Variants in WWOX observed in about 807,000 individuals in gnomAD.
WWOX encodes the protein WW domain containing oxidoreductase, also known as WW domain-containing oxidoreductase.
A neutral mutation model predicts 46.2 loss-of-function variants in WWOX; 69 were observed. That is an observed-to-expected ratio of 1.49 (90% confidence interval 1.23 to 1.82). The LOEUF (loss-of-function observed/expected upper bound fraction) is 1.82, where lower values mean the gene tolerates loss of function less well. WWOX is among the 40% of genes most tolerant of loss of function. The probability of loss-of-function intolerance (pLI) is 0.00; values close to 1 mark genes in which losing one functional copy is unlikely to be tolerated. For synonymous variants in WWOX, 359 were observed against 202.6 expected (o/e 1.77, Z -6.56); for missense variants, 919 against 542.6 (o/e 1.69, Z -6.89).
At chr16:78,894,733 C>G (rs1407460083) in intron 8 of WWOX, among the ~76,000 whole-genome samples, 1 of 152,130 alleles carries the variant, frequency 6.6e-6, no homozygotes, top group Non-Finnish European at 1.5e-5. Flanking sequence ...TGCAATTAAA[C>G]AAGATTGGGA....
At chr16:78,726,635 A>G (rs779427338) in intron 8 of WWOX, among the ~76,000 whole-genome samples, 12 of 152,094 alleles carry the variant, frequency 7.9e-5, no homozygotes, top group Non-Finnish European at 1.5e-4. Flanking sequence ...TGAGCAATTA[A>G]TGGAGGAAGG....
chr16:78,735,608 C>T (rs1371676043), intron 8 of WWOX, among the ~76,000 whole-genome samples: 1 of 152,240 alleles, frequency 6.6e-6, no homozygotes, highest in South Asian at 2.1e-4. Flanking sequence ...AGGCATGGGC[C>T]TGCCCTGTAC....
intron 8 of WWOX, among the ~76,000 whole-genome samples, chr16:79,027,540 C>T (rs1366172440): frequency 1.3e-5 from 2 of 151,772 alleles, no homozygotes; most frequent in East Asian, 3.9e-4. Flanking sequence ...ATTCCCCGTT[C>T]TGGAGAGCCT....
intron 8 of WWOX, among the ~76,000 whole-genome samples, chr16:78,958,339 C>G (rs1198144279): frequency 6.6e-6 from 1 of 152,122 alleles, no homozygotes; most frequent in Non-Finnish European, 1.5e-5. Flanking sequence ...GCATTATTAA[C>G]TAGTGTAACT....
chr16:78,819,407 G>T (rs1172029283), intron 8 of WWOX, among the ~76,000 whole-genome samples: 1 of 152,146 alleles, frequency 6.6e-6, no homozygotes, highest in East Asian at 1.9e-4. Context: ...AATTTCCATG[G>T]CAACACCTAG....
chr16:78,411,807 G>A (rs955383366), intron 6 of WWOX, among the ~76,000 whole-genome samples: 1 of 152,192 alleles, frequency 6.6e-6, no homozygotes, highest in Non-Finnish European at 1.5e-5. Flanking sequence ...TGAAGTCATT[G>A]TCTTAGGTTG....
At chr16:78,585,306 G>C (rs1049908025) in intron 8 of WWOX, among the ~76,000 whole-genome samples, 1 of 152,166 alleles carries the variant, frequency 6.6e-6, no homozygotes, top group Admixed American at 6.5e-5. Flanking sequence ...CCCTGAGGTA[G>C]GATCTTAGGT....
intron 8 of WWOX, among the ~76,000 whole-genome samples, chr16:78,883,222 C>G (rs1490952064): frequency 1.3e-5 from 2 of 152,174 alleles, no homozygotes; most frequent in African/African-American, 4.8e-5. Flanking sequence ...GTAGCCTCCC[C>G]TCTTAAGCTT....
intron 8 of WWOX, among the ~76,000 whole-genome samples, chr16:78,579,030 C>T (rs1258554402): frequency 6.6e-6 from 1 of 152,114 alleles, no homozygotes; most frequent in African/African-American, 2.4e-5. Flanking sequence ...CATTTTTTTC[C>T]TTTGCCCTTT....
At chr16:79,146,403 T>G (rs2050183535) in intron 8 of WWOX, among the ~76,000 whole-genome samples, 1 of 152,158 alleles carries the variant, frequency 6.6e-6, no homozygotes, top group African/African-American at 2.4e-5. Context: ...AGAACTGGCT[T>G]ATATCATCCT....
chr16:79,058,141 A>C lies in WWOX; in HGVS notation c.1057-153467A>C, dbSNP rs552685293. ...AAAAACAAACAAACAAAAAAAAAAA[A>C]CTCCTTCTTCATTTGTTATAGTTCC... On this transcript the variant is annotated intron_variant, in intron 8 of 8. Coordinates refer to ENST00000566780, the MANE Select transcript of WWOX (RefSeq NM_016373.4). Among the ~76,000 whole-genome samples the C allele has an allele frequency of 6.8e-5, 10 of 147,382 alleles. No individual in the cohort carries two copies. In the South Asian group the frequency reaches 1.9e-3, roughly 28 times the overall value.
intron 8 of WWOX, among the ~76,000 whole-genome samples, chr16:79,076,614 A>G (rs1473836958): frequency 6.6e-6 from 1 of 152,084 alleles, no homozygotes; most frequent in Admixed American, 6.5e-5. Context: ...AGTCACAGTG[A>G]TTCTATCTGT....
intron 8 of WWOX, among the ~76,000 whole-genome samples, chr16:78,706,941 G>C (rs2048340007): frequency 6.6e-6 from 1 of 152,166 alleles, no homozygotes; most frequent in Non-Finnish European, 1.5e-5. Context: ...AGGATTACAG[G>C]CATCAGCCGT....
At chr16:78,202,392 C>T (rs1322391080) in intron 5 of WWOX, among the ~76,000 whole-genome samples, 1 of 152,190 alleles carries the variant, frequency 6.6e-6, no homozygotes, top group African/African-American at 2.4e-5. Context: ...GGTCAGGTTT[C>T]TTAAATTCCG....
At chr16:78,902,970 C>T (rs375422342) in intron 8 of WWOX, among the ~76,000 whole-genome samples, 4 of 152,198 alleles carry the variant, frequency 2.6e-5, no homozygotes, top group African/African-American at 9.6e-5. Context: ...TGGATGAGTC[C>T]TTTTGTTACC....
chr16:78,789,885 C>T (rs2737304), intron 8 of WWOX, among the ~76,000 whole-genome samples: 48,285 of 151,990 alleles, frequency 0.32, 8,916 homozygotes, highest in Middle Eastern at 0.43. Context: ...CTTGGGCTTC[C>T]AAATCAGACA....
At position 78,556,562 on chromosome 16, in the gene WWOX, A is replaced by G. The variant is rs1391953629; in HGVS notation, c.1056+123810A>G. Reference sequence around the variant, plus strand: ...ACAATGGAAATGGGTCTTGAAATCAATCGCAGCTGGACCGGCGTGCGGTGA... The same window carrying G: ...ACAATGGAAATGGGTCTTGAAATCAGTCGCAGCTGGACCGGCGTGCGGTGA... On this transcript the variant is annotated intron_variant, in intron 8 of 8. Transcript: ENST00000566780. Among the ~76,000 whole-genome samples the G allele has an allele frequency of 3.9e-5, 6 of 152,150 alleles. 2 individuals carry two copies. The highest frequency in any genetic ancestry group is 2.9e-5 in the Non-Finnish European group (2 of 68,034).
intron 8 of WWOX, among the ~76,000 whole-genome samples, chr16:78,466,212 T>C (rs1244720792): frequency 1.3e-5 from 2 of 152,128 alleles, no homozygotes; most frequent in East Asian, 1.9e-4. Context: ...TTTGTGTTTT[T>C]AGTAGAGACG....
intron 8 of WWOX, among the ~76,000 whole-genome samples, chr16:78,626,677 G>A (rs1444774712): frequency 1.3e-5 from 2 of 152,198 alleles, no homozygotes; most frequent in Non-Finnish European, 2.9e-5. Flanking sequence ...GAGTGTTGCT[G>A]TGCCCAGCTC....
Sources: gnomAD v4.1 joint callset for allele counts (sites outside exome capture counted in the v4.1 genomes callset) on GRCh38, gnomAD v4.1.1 for gene constraint, MANE v1.5 for transcripts, NCBI Gene and HGNC (gene_info 2026-07-23, HGNC 2026-07-21) for gene names.